Variants in VPS8 observed in about 807,000 individuals in gnomAD.
VPS8 encodes VPS8 subunit of CORVET complex, also known as vacuolar protein sorting-associated protein 8 homolog.
In VPS8, 129 loss-of-function variants were observed where a neutral mutation model predicts 216.4. The ratio of observed to expected loss-of-function variants is 0.60; its 90% confidence interval spans 0.52 to 0.69. The LOEUF (loss-of-function observed/expected upper bound fraction) is 0.69. VPS8 is among the 30% of genes least tolerant of loss of function. The pLI is 0.00. For missense variants in VPS8, 1,531 were observed against 1,683.5 expected (o/e 0.91, Z 1.59); for synonymous variants, 571 against 565.4 (o/e 1.01, Z -0.14).
chr3:184,960,129 G>A (rs1484955439), intron 37 of VPS8, among the ~76,000 whole-genome samples: 3 of 152,080 alleles, frequency 2.0e-5, no homozygotes, highest in East Asian at 3.9e-4. Context: ...GAGAATGATG[G>A]TTTCCAGCTT....
chr3:184,879,192 A>G (rs1004395401), intron 21 of VPS8, among the ~76,000 whole-genome samples: 3 of 152,238 alleles, frequency 2.0e-5, no homozygotes, highest in African/African-American at 7.2e-5. Flanking sequence ...AACCATTGAC[A>G]GGCTCAAATT....
intron 3 of VPS8, among the ~76,000 whole-genome samples, chr3:184,826,965 T>C (rs951415745): frequency 9.2e-5 from 14 of 152,228 alleles, no homozygotes; most frequent in African/African-American, 3.4e-4. Context: ...ATACCCTGCA[T>C]CTGCTGACAA....
intron 36 of VPS8, among the ~76,000 whole-genome samples, 160 bp downstream of exon 36, chr3:184,940,403 G>C (rs1206425830): frequency 6.6e-6 from 1 of 152,004 alleles, no homozygotes; most frequent in Non-Finnish European, 1.5e-5. Context: ...TGTGAAAATA[G>C]AAGATCTGAA....
At chr3:184,891,823 G>A (rs1202226545) in intron 22 of VPS8, among the ~76,000 whole-genome samples, 1 of 152,144 alleles carries the variant, frequency 6.6e-6, no homozygotes, top group East Asian at 1.9e-4. Flanking sequence ...TATTTAGTAT[G>A]GATTGGCAAG....
intron 8 of VPS8, 41 bp downstream of exon 8, chr3:184,843,286 G>T (rs973255041): frequency 7.4e-7 from 1 of 1,356,474 alleles, no homozygotes; most frequent in African/African-American, 1.5e-5. Flanking sequence ...GGTTTCTTTT[G>T]GTCTTTTTAA....
rs527886572 is a variant in VPS8, at chr3:185,003,920, G to A, written c.4002+4059G>A. Among the ~76,000 whole-genome samples the A allele has an allele frequency of 1.1e-4, 16 of 151,314 alleles. No individual in the cohort carries two copies. In the South Asian group the frequency reaches 2.1e-3, roughly 20 times the overall value. On this transcript the variant is annotated intron_variant, in intron 45 of 47. Coordinates refer to ENST00000625842, the MANE Select transcript of VPS8 (RefSeq NM_001009921.3). Reference sequence around the variant, plus strand: ...CAGAGGCGCTCCTCACCTCCCAGACGGGGTGGCGGGGCAGAGGCGCTCCCC... The same window carrying A: ...CAGAGGCGCTCCTCACCTCCCAGACAGGGTGGCGGGGCAGAGGCGCTCCCC...
At chr3:184,891,637 T>C (rs1732373195) in intron 22 of VPS8, among the ~76,000 whole-genome samples, 1 of 152,182 alleles carries the variant, frequency 6.6e-6, no homozygotes, top group Non-Finnish European at 1.5e-5. Flanking sequence ...TTAAAGGAAA[T>C]CTTTACGAAC....
intron 23 of VPS8, among the ~76,000 whole-genome samples, chr3:184,896,015 G>A (rs1364061467): frequency 6.6e-6 from 1 of 152,042 alleles, no homozygotes; most frequent in Non-Finnish European, 1.5e-5. Flanking sequence ...TCTTGAGCTT[G>A]AATATGGAAG....
In VPS8 at chr3:184,966,695, G is replaced by A. The variant is rs1457324305; in HGVS notation, c.3298G>A (p.Val1100Ile). ...LERLQSKLQE[V>I]THQGENTKED... Reference sequence around the variant, plus strand: ...GAGACTACAAAGCAAACTTCAAGAGGTAACACATCAAGGTGAAAGTAAGTT... The same window carrying A: ...GAGACTACAAAGCAAACTTCAAGAGATAACACATCAAGGTGAAAGTAAGTT... The change falls in exon 39 of 48, where the codon GTA (valine) becomes ATA (isoleucine). Residue 1100 changes from valine (V) to isoleucine (I), a missense_variant. By Grantham distance (29) the Val-to-Ile change is conservative. Transcript: ENST00000625842. 1 of 1,591,022 alleles carries A rather than the reference G, an allele frequency of 6.3e-7. No homozygotes were observed. The highest frequency in any genetic ancestry group is 8.6e-7 in the Non-Finnish European group (1 of 1,165,516).
intron 5 of VPS8, among the ~76,000 whole-genome samples, chr3:184,838,120 A>G (rs1721464994): frequency 6.6e-6 from 1 of 152,182 alleles, no homozygotes; most frequent in African/African-American, 2.4e-5. Context: ...AGTATTTGCT[A>G]TTTCTTTGAA....
chr3:184,909,843 T>A (rs1363767266), intron 25 of VPS8, among the ~76,000 whole-genome samples: 1 of 152,210 alleles, frequency 6.6e-6, no homozygotes, highest in East Asian at 1.9e-4. Flanking sequence ...AATGTTACAT[T>A]GTGTGGAGAG....
chr3:184,889,676 A>G (rs1731976839), intron 22 of VPS8, among the ~76,000 whole-genome samples: 1 of 152,060 alleles, frequency 6.6e-6, no homozygotes, highest in South Asian at 2.1e-4. Flanking sequence ...ATAGGAGAAA[A>G]AGCGGGAGGG....
intron 8 of VPS8, among the ~76,000 whole-genome samples, chr3:184,845,896 G>C (rs1266490904): frequency 6.6e-6 from 1 of 151,588 alleles, no homozygotes; most frequent in Non-Finnish European, 1.5e-5. Context: ...GTGTATATAT[G>C]AATGTAATCT....
At chr3:184,983,203 G>T (rs907385606) in intron 42 of VPS8, 109 bp downstream of exon 42, 16 of 970,798 alleles carry the variant, frequency 1.6e-5, no homozygotes, top group Non-Finnish European at 2.3e-5. Flanking sequence ...GCATAATGCA[G>T]CTAATTTTTG....
chr3:184,988,334 A>ATT (rs1215320684), intron 42 of VPS8, among the ~76,000 whole-genome samples: 1 of 152,078 alleles, frequency 6.6e-6, no homozygotes. Context: ...TTTTGTGTTA[A>ATT]TTTTGGGGGA....
At chr3:184,945,539 G>A (rs765594528) in intron 36 of VPS8, among the ~76,000 whole-genome samples, 30 of 152,152 alleles carry the variant, frequency 2.0e-4, no homozygotes, top group South Asian at 6.2e-4. Flanking sequence ...TCACCACACC[G>A]CGCAGAAACA....
intron 42 of VPS8, among the ~76,000 whole-genome samples, chr3:184,988,445 G>A (rs1751436306): frequency 6.6e-6 from 1 of 152,144 alleles, no homozygotes; most frequent in African/African-American, 2.4e-5. Context: ...TTTCTCCATT[G>A]AATTGCCTTT....
intron 11 of VPS8, among the ~76,000 whole-genome samples, chr3:184,853,115 G>A (rs1175774687): frequency 3.3e-5 from 5 of 152,072 alleles, no homozygotes; most frequent in Admixed American, 3.3e-4. Flanking sequence ...TAAGTACAAA[G>A]TAATTTCTGA....
chr3:185,016,720 T>C (rs895461741), intron 45 of VPS8, among the ~76,000 whole-genome samples: 1 of 152,200 alleles, frequency 6.6e-6, no homozygotes, highest in Non-Finnish European at 1.5e-5. Context: ...CAGTTAACAT[T>C]CTCCATTTCC....
Sources: allele counts gnomAD v4.1 joint callset (sites outside exome capture counted in the v4.1 genomes callset), GRCh38; gene constraint gnomAD v4.1.1; transcripts MANE v1.5; gene names NCBI Gene and HGNC (gene_info 2026-07-23, HGNC 2026-07-21).